DLGAP1: variants seen among roughly 807,000 people sequenced by gnomAD.
DLGAP1 encodes disks large-associated protein 1.
Under a neutral mutation model 90.8 loss-of-function variants are expected in DLGAP1, and 11 were observed. The observed-to-expected ratio is 0.12, with a 90% CI of 0.08 to 0.20. The LOEUF is 0.20. DLGAP1 is among the 10% of genes least tolerant of loss of function. DLGAP1 has a pLI of 1.00. For missense variants in DLGAP1, 1,050 were observed against 1,333.8 expected, an observed-to-expected ratio of 0.79 and a Z score of 3.31; for synonymous variants, 558 against 540.7, an observed-to-expected ratio of 1.03 and a Z score of -0.44.
At chr18:4,208,806 G>T (rs184770438) in intron 1 of DLGAP1, among the ~76,000 whole-genome samples, 2 of 151,870 alleles carry the variant, frequency 1.3e-5, no homozygotes, top group African/African-American at 4.8e-5. Flanking sequence ...GGAGAGGTTG[G>T]GGGGGTGGAG....
chr18:4,269,576 G>C (rs188955589), intron 1 of DLGAP1, among the ~76,000 whole-genome samples: 11 of 151,648 alleles, frequency 7.3e-5, no homozygotes, highest in East Asian at 3.9e-4. Flanking sequence ...GGATGGTCTC[G>C]ATCTCCTGAC....
Position 3,833,392 on chromosome 18 carries a change from C to G in DLGAP1, c.958-19119G>C, listed in dbSNP as rs186639788. 2.4e-3 allele frequency among the ~76,000 whole-genome samples: 365 copies of G among 152,056 alleles called. 4 individuals are homozygous for G. The highest frequency in any genetic ancestry group is 7.8e-3 in the African/African-American group (324 of 41,456). ...AGAACCACAGGCACATGCCACCACGCCCAGTTAATTTTTGTATTTTTGGTA... is the reference window on the plus strand; with the variant it reads ...AGAACCACAGGCACATGCCACCACGGCCAGTTAATTTTTGTATTTTTGGTA... On this transcript the variant is annotated intron_variant, in intron 4 of 12. Transcript: ENST00000315677.
At chr18:3,805,550 C>A (rs1473164922) in intron 5 of DLGAP1, among the ~76,000 whole-genome samples, 1 of 152,186 alleles carries the variant, frequency 6.6e-6, no homozygotes, top group South Asian at 2.1e-4. Flanking sequence ...AAAAAATGGT[C>A]ATTCCACTGA....
Position 3,879,393 on chromosome 18 carries a change from T to G in DLGAP1, c.676A>C (p.Arg226=), listed in dbSNP as rs566179117. 15 of 1,613,152 alleles carry G rather than the reference T, an allele frequency of 9.3e-6. No homozygotes were observed. In the African/African-American group the frequency reaches 1.9e-4, roughly 20 times the overall value. ...TGTGAGGCCGAGCGGTCGGGGCACCTGCCCATGGTCATCACGCCCGAGGGG... is the reference window on the plus strand; with the variant it reads ...TGTGAGGCCGAGCGGTCGGGGCACCGGCCCATGGTCATCACGCCCGAGGGG... ...HAPSGVMTMG[R]CPDRSASQYF... is the part of the protein sequence containing the mutation. Residue 226 remains arginine (R), a synonymous_variant, in exon 4 of 13, where the codon AGG becomes CGG. Transcript: ENST00000315677. This position sits in a 1 kb window ranked among gnomAD's most constrained non-coding sequence, Gnocchi z 6.6.
In DLGAP1 at chr18:4,084,708, A is replaced by G. The variant is rs2075656507; in HGVS notation, c.-159+66472T>C. Among the ~76,000 whole-genome samples the G allele has an allele frequency of 1.3e-5, 2 of 152,224 alleles. No homozygotes were observed. Among genetic ancestry groups the G allele is most frequent in the Non-Finnish European group, 2.9e-5 (2 of 68,040 alleles). On this transcript the variant is annotated intron_variant, in intron 2 of 12. Transcript: ENST00000315677. The surrounding 1 kb of genome is among the most constrained non-coding windows in gnomAD (Gnocchi z 4.0). ...CTTATTTACCAAACTTAGCATAAAA[A>G]TACATGGGGTTACTTATTTCTTTGG... is the stretch of plus-strand genomic sequence containing the variant.
At chr18:4,273,935 C>T (rs2079344904) in intron 1 of DLGAP1, among the ~76,000 whole-genome samples, 1 of 151,928 alleles carries the variant, frequency 6.6e-6, no homozygotes, top group Non-Finnish European at 1.5e-5. Flanking sequence ...AAAGGCTTGT[C>T]AATTTTTTTT....
At chr18:3,630,603 C>G (rs2058489716) in intron 7 of DLGAP1, among the ~76,000 whole-genome samples, 1 of 152,150 alleles carries the variant, frequency 6.6e-6, no homozygotes, top group African/African-American at 2.4e-5. Context: ...AATAAATACT[C>G]CTCAGTGACA....
At chr18:4,218,846 C>CAA (rs2078015377) in intron 1 of DLGAP1, among the ~76,000 whole-genome samples, 1 of 151,474 alleles carries the variant, frequency 6.6e-6, no homozygotes, top group Non-Finnish European at 1.5e-5. Context: ...CACACACACA[C>CAA]ACACACAATT....
intron 10 of DLGAP1, among the ~76,000 whole-genome samples, chr18:3,510,432 G>A (rs1268553017): frequency 1.4e-4 from 21 of 152,202 alleles, no homozygotes. Context: ...CTGGCTAGGA[G>A]AGAAAAGGAA....
intron 7 of DLGAP1, among the ~76,000 whole-genome samples, chr18:3,619,817 G>A (rs984228310): frequency 2.5e-5 from 2 of 80,240 alleles, no homozygotes; most frequent in Non-Finnish European, 4.7e-5. Flanking sequence ...TTTGTTTTTT[G>A]TTTTTTGAGA....
intron 1 of DLGAP1, among the ~76,000 whole-genome samples, chr18:4,166,966 A>C (rs1327546628): frequency 6.6e-6 from 1 of 152,200 alleles, no homozygotes; most frequent in African/African-American, 2.4e-5. Flanking sequence ...TTTGCATAAT[A>C]ATGTGAATGT....
At chr18:3,783,575 C>T (rs1426578785) in intron 5 of DLGAP1, among the ~76,000 whole-genome samples, 1 of 152,124 alleles carries the variant, frequency 6.6e-6, no homozygotes, top group Non-Finnish European at 1.5e-5. Context: ...ATGGGCAAAT[C>T]CATAGAGACA....
At chr18:3,771,294 C>T (rs2064525155) in intron 5 of DLGAP1, 1 of 152,344 alleles carries the variant, frequency 6.6e-6, no homozygotes, top group Non-Finnish European at 1.5e-5. Flanking sequence ...CTTGTTCTTC[C>T]CTTCCTCTTC....
chr18:3,580,329 A>G, intron 8 of DLGAP1: 5 of 1,613,942 alleles, frequency 3.1e-6, no homozygotes, highest in Non-Finnish European at 3.4e-6. Context: ...TCCCTTTTTC[A>G]GTGCGCGAAA....
chr18:4,076,877 G>A (rs763918294), intron 2 of DLGAP1, among the ~76,000 whole-genome samples: 17 of 152,090 alleles, frequency 1.1e-4, no homozygotes, highest in Admixed American at 3.3e-4. Context: ...ACCTGCCTCG[G>A]CCTCCCAAAG....
intron 5 of DLGAP1, among the ~76,000 whole-genome samples, chr18:3,789,574 A>G (rs566480768): frequency 6.6e-6 from 1 of 152,352 alleles, no homozygotes; most frequent in Admixed American, 6.5e-5. Context: ...TAAAGGGACA[A>G]TGAAGGAAGG....
intron 2 of DLGAP1, among the ~76,000 whole-genome samples, chr18:4,121,325 G>T (rs2144110682): frequency 6.6e-6 from 1 of 152,250 alleles, no homozygotes; most frequent in Non-Finnish European, 1.5e-5. Context: ...TGGGCAAGAG[G>T]ATGAAGGGAC....
intron 1 of DLGAP1, among the ~76,000 whole-genome samples, chr18:4,411,644 G>A (rs187851501): frequency 5.3e-4 from 80 of 152,178 alleles, no homozygotes; most frequent in African/African-American, 1.8e-3. Context: ...TCTTCTCCAC[G>A]TGAGATTGGC....
intron 5 of DLGAP1, among the ~76,000 whole-genome samples, chr18:3,777,506 A>G (rs2064991765): frequency 6.6e-6 from 1 of 152,214 alleles, no homozygotes; most frequent in African/African-American, 2.4e-5. Flanking sequence ...ATATAAGTTT[A>G]TATCTTAAAA....
Sources: gnomAD v4.1 joint callset for allele counts (sites outside exome capture counted in the v4.1 genomes callset) on GRCh38, gnomAD v4.1.1 for gene constraint, Gnocchi (gnomAD v3.1) non-coding constraint, MANE v1.5 for transcripts, NCBI Gene and HGNC (gene_info 2026-07-23, HGNC 2026-07-21) for gene names.